ACBD3: variants seen among roughly 807,000 people sequenced by gnomAD.
ACBD3 encodes the protein acyl-CoA binding domain containing 3.
In ACBD3, 30 loss-of-function variants were observed where a neutral mutation model predicts 66.9. The observed-to-expected ratio is 0.45, with a 90% CI of 0.34 to 0.61. The LOEUF (loss-of-function observed/expected upper bound fraction) is 0.61. Among genes scored for constraint, ACBD3 ranks in the 20% least tolerant of loss-of-function variants. ACBD3 has a pLI of 0.02. For synonymous variants in ACBD3, 278 were observed against 259.8 expected (o/e 1.07, Z -0.68); for missense variants, 544 against 664.5 (o/e 0.82, Z 1.99).
Position 226,165,947 on chromosome 1 carries a change from C to T in ACBD3, c.340G>A (p.Ala114Thr). The T allele has an allele frequency of 6.2e-7, 1 of 1,611,938 alleles. No homozygotes were observed. The highest frequency in any genetic ancestry group is 8.5e-7 in the Non-Finnish European group (1 of 1,179,466). ...PTYEEKLKLV[A>T]LHKQVLMGPY... ...CCCATAAGAACTTGCTTATGCAGTG[C>T]CACAAGCTTCAATTTTTCTTCATAA... The change falls in exon 2 of 8, where the codon GCA becomes ACA. Residue 114 changes from alanine (A) to threonine (T), a missense_variant. This residue lies in a region of ACBD3 where 24 missense variants were observed against 56.2 expected (regional missense o/e 0.43). Transcript: ENST00000366812.
chr1:226,177,192 G>A (rs1469035808), intron 1 of ACBD3, among the ~76,000 whole-genome samples: 2 of 143,324 alleles, frequency 1.4e-5, no homozygotes, highest in African/African-American at 5.2e-5. Flanking sequence ...TTTAGACGGA[G>A]TCTTGCTTTT....
chr1:226,159,509 GAAGA>G (rs200778806), intron 4 of ACBD3, 151 bp from the exon 5 acceptor site: 14,241 of 652,512 alleles, frequency 0.022, 232 homozygotes, highest in Middle Eastern at 0.037. Flanking sequence ...TCTGGGTCCA[GAAGA>G]AAGATTTAAG....
At chr1:226,152,184 C>T in intron 7 of ACBD3, 151 bp downstream of exon 7, 1 of 1,112,756 alleles carries the variant, frequency 9.0e-7, no homozygotes. Context: ...GGCCTCATAA[C>T]ATTTTCAGCC....
In ACBD3 at chr1:226,186,656, G is replaced by A. The variant is rs770762845; in HGVS notation, c.20C>T (p.Ala7Val). 19 of 1,510,524 alleles carry A rather than the reference G, an allele frequency of 1.3e-5. No individual in the cohort carries two copies. The East Asian group carries it at 1.4e-4, about 11-fold the overall frequency. The allele number at this position is 1,510,524 out of a possible 1,614,324, so 93.6% of individuals were successfully genotyped here. A position where few individuals can be genotyped will look rare whatever the true frequency, so the allele number is the denominator to read the frequency against. MAAVLN[A>V]ERLEVSVDGL... ...GTCGACGGACACCTCGAGTCGCTCTGCGTTCAGCACCGCCGCCATCTCCGG... is the reference window on the plus strand; with the variant it reads ...GTCGACGGACACCTCGAGTCGCTCTACGTTCAGCACCGCCGCCATCTCCGG... Residue 7 changes from alanine (A) to valine (V), a missense_variant, in exon 1 of 8, where the codon GCA becomes GTA. By Grantham distance (64) the Ala-to-Val change is moderately conservative. Transcript: ENST00000366812.
chr1:226,151,055 T>C (rs1659563603), intron 7 of ACBD3, among the ~76,000 whole-genome samples: 1 of 152,246 alleles, frequency 6.6e-6, no homozygotes, highest in Non-Finnish European at 1.5e-5. Flanking sequence ...TATGTTTCTG[T>C]AGATAGCCCC....
chr1:226,183,117 C>T (rs1290399636), intron 1 of ACBD3, among the ~76,000 whole-genome samples: 1 of 152,124 alleles, frequency 6.6e-6, no homozygotes, highest in African/African-American at 2.4e-5. Flanking sequence ...AAAATATATC[C>T]ATGCTTTCAA....
intron 1 of ACBD3, among the ~76,000 whole-genome samples, chr1:226,178,541 C>CTCCA (rs1370180186): frequency 3.2e-5 from 4 of 126,896 alleles, no homozygotes; most frequent in Admixed American, 2.0e-4. Flanking sequence ...CGCCACTGCA[C>CTCCA]TCCATCCTGG....
chr1:226,185,503 C>T (rs1656277465), intron 1 of ACBD3, among the ~76,000 whole-genome samples: 1 of 152,066 alleles, frequency 6.6e-6, no homozygotes, highest in African/African-American at 2.4e-5. Context: ...CCTGTCCATT[C>T]GCCCTACAAG....
Position 226,172,201 on chromosome 1 carries a change from C to CAAAAAAAAAAA in ACBD3, c.287-6202_287-6201insTTTTTTTTTTT, listed in dbSNP as rs1558129702. 8.4e-5 allele frequency among the ~76,000 whole-genome samples: 9 copies of CAAAAAAAAAAA among 107,096 alleles called. No homozygotes were observed. In the East Asian group the frequency reaches 1.7e-3, roughly 20 times the overall value. 70.3% of individuals were successfully genotyped at this position (107,096 alleles called of 152,430 possible). A position where few individuals can be genotyped will look rare whatever the true frequency, so the allele number is the denominator to read the frequency against. ...ATACATTTTCAGTGCTAGTCCTGGT[C>CAAAAAAAAAAA]AGGCAAACAGATTCGCTGACCTCTG... On this transcript the variant is annotated intron_variant, in intron 1 of 7. Coordinates refer to ENST00000366812, the MANE Select transcript of ACBD3 (RefSeq NM_022735.4).
intron 5 of ACBD3, among the ~76,000 whole-genome samples, chr1:226,158,622 G>A (rs750476388): frequency 5.3e-5 from 8 of 152,204 alleles, no homozygotes; most frequent in Non-Finnish European, 1.2e-4. Flanking sequence ...GAGACTCCCA[G>A]TCCCATGTTC....
chr1:226,186,582 C>A lies in ACBD3; in HGVS notation c.94G>T (p.Ala32Ser). 5 of 1,375,138 alleles carry A rather than the reference C, an allele frequency of 3.6e-6. No homozygotes were observed. The highest frequency in any genetic ancestry group is 3.0e-5 in the East Asian group (1 of 33,118). The allele number at this position is 1,375,138 out of a possible 1,614,324, so 85.2% of individuals were successfully genotyped here. A position where few individuals can be genotyped will look rare whatever the true frequency, so the allele number is the denominator to read the frequency against. Residue 32 changes from alanine to serine, a missense_variant, in exon 1 of 8, where the codon GCC becomes TCC. Ala to Ser is a moderately conservative substitution (Grantham distance 99). Coordinates refer to ENST00000366812, the MANE Select transcript of ACBD3 (RefSeq NM_022735.4). ...DPEERPGAEG[A>S]PLLPPPLPPP... ...GGCAGCGGTGGCGGCAGCAGCGGGG[C>A]GCCCTCCGCCCCAGGCCGCTCCTCC...
intron 7 of ACBD3, among the ~76,000 whole-genome samples, chr1:226,150,252 T>C (rs1659544580): frequency 6.6e-6 from 1 of 151,990 alleles, no homozygotes; most frequent in African/African-American, 2.4e-5. Flanking sequence ...TTTGTCGAGA[T>C]GTGGTGTCAC....
intron 1 of ACBD3, among the ~76,000 whole-genome samples, chr1:226,168,371 C>T (rs1659913880): frequency 6.6e-6 from 1 of 152,164 alleles, no homozygotes; most frequent in South Asian, 2.1e-4. Flanking sequence ...CCCTATGATC[C>T]AGTCATTCCA....
chr1:226,178,198 G>A (rs1576241468), intron 1 of ACBD3, among the ~76,000 whole-genome samples: 1 of 152,150 alleles, frequency 6.6e-6, no homozygotes, highest in East Asian at 1.9e-4. Context: ...AGTTCAAATA[G>A]GACAGCATAA....
intron 1 of ACBD3, 44 bp downstream of exon 1, chr1:226,186,346 C>T: frequency 4.1e-6 from 6 of 1,468,924 alleles, no homozygotes; most frequent in South Asian, 1.3e-5. Context: ...GCCGGGCTCC[C>T]GGGGCCGGGC....
At chr1:226,180,168 C>T (rs765477451) in intron 1 of ACBD3, among the ~76,000 whole-genome samples, 9 of 141,770 alleles carry the variant, frequency 6.3e-5, no homozygotes, top group Non-Finnish European at 1.4e-4. Context: ...AAGACTCTGT[C>T]TCCCAAAAAA....
chr1:226,146,535 A>G lies in ACBD3; in HGVS notation c.*75T>C, dbSNP rs1162443866. On this transcript the variant is annotated 3_prime_UTR_variant, in exon 8 of 8. Coordinates refer to ENST00000366812, the MANE Select transcript of ACBD3 (RefSeq NM_022735.4). The stretch of plus-strand genomic sequence containing the variant: ...GTAAACTGTGACTCTAATGCTCCAC[A>G]AAAGTAAAAAGAAATTTCCAAATTA... 6.7e-6 allele frequency: 9 copies of G among 1,339,432 alleles called. No homozygotes were observed. Among genetic ancestry groups the G allele is most frequent in the African/African-American group, 1.5e-5 (1 of 68,646 alleles). 83.0% of individuals were successfully genotyped at this position (1,339,432 alleles called of 1,614,324 possible). A position where few individuals can be genotyped will look rare whatever the true frequency, so the allele number is the denominator to read the frequency against.
chr1:226,158,435 G>C (rs972005546), intron 5 of ACBD3, among the ~76,000 whole-genome samples: 1 of 152,130 alleles, frequency 6.6e-6, no homozygotes, highest in Non-Finnish European at 1.5e-5. Flanking sequence ...TCGTTCACAG[G>C]GTAACTCTTT....
chr1:226,149,908 C>T (rs1231570579), intron 7 of ACBD3, among the ~76,000 whole-genome samples: 2 of 152,038 alleles, frequency 1.3e-5, no homozygotes, highest in Non-Finnish European at 2.9e-5. Context: ...CAGACATCTG[C>T]AGACAGTCTG....
Sources: allele counts gnomAD v4.1 joint callset (sites outside exome capture counted in the v4.1 genomes callset), GRCh38; gene constraint gnomAD v4.1.1; regional missense constraint gnomAD v4.1.1; transcripts MANE v1.5; gene names NCBI Gene and HGNC (gene_info 2026-07-23, HGNC 2026-07-21).